The following TNFAIP8 variants were observed in gnomAD, a reference collection of about 807,000 sequenced individuals.
TNFAIP8 encodes the protein TNF alpha induced protein 8.
TNFAIP8 carries 7 observed loss-of-function variants against 13.3 expected under a neutral mutation model. That is an observed-to-expected ratio of 0.52 (90% confidence interval 0.30 to 0.99). The LOEUF (loss-of-function observed/expected upper bound fraction) is 0.99. Ranked by LOEUF, TNFAIP8 falls within the 50% of genes least tolerant of loss-of-function variation. The pLI is 0.07. For missense variants in TNFAIP8, 258 were observed against 236.9 expected (o/e 1.09, Z -0.58); for synonymous variants, 94 against 87.6 (o/e 1.07, Z -0.41).
At chr5:119,348,490 G>A (rs1750987660) in intron 1 of TNFAIP8, among the ~76,000 whole-genome samples, 1 of 152,250 alleles carries the variant, frequency 6.6e-6, no homozygotes, top group East Asian at 1.9e-4. Flanking sequence ...TTTTCAAGGA[G>A]GCTGTCTCTG....
rs11348290 is a variant in TNFAIP8, at chr5:119,392,392, A to AT, written c.32-413dup. 3.7e-4 allele frequency among the ~76,000 whole-genome samples: 55 copies of AT among 150,394 alleles called. 1 individual carries two copies. The highest frequency in any genetic ancestry group is 5.8e-4 in the East Asian group (3 of 5,136). Reference sequence around the variant, plus strand: ...ATGACAGGTATAGAGTTGATTTTGTATTTTTTTTTTTGTTTTGAGACAGAG... The same window carrying AT: ...ATGACAGGTATAGAGTTGATTTTGTATTTTTTTTTTTTGTTTTGAGACAGAG... On this transcript the variant is annotated intron_variant, in intron 1 of 1. Transcript: ENST00000504771.
Position 119,397,298 on chromosome 5 carries a change from A to C in TNFAIP8, c.*3917A>C, listed in dbSNP as rs544783538. 44 of 152,314 alleles carry C rather than the reference A, an allele frequency of 2.9e-4. No homozygotes were observed. Among genetic ancestry groups the C allele is most frequent in the African/African-American group, 1.0e-3 (43 of 41,558 alleles). The allele number at this position is 152,314 out of a possible 1,614,324, so 9.4% of individuals were successfully genotyped here. ...CAATTTAGCATACAAAACCTGACAA[A>C]TGGTAAATAAAAGAATATGTTTATC... On this transcript the variant is annotated 3_prime_UTR_variant, in exon 2 of 2. Transcript: ENST00000504771.
At chr5:119,270,222 A>G (rs576887999) in intron 1 of TNFAIP8, among the ~76,000 whole-genome samples, 1 of 152,350 alleles carries the variant, frequency 6.6e-6, no homozygotes, top group East Asian at 1.9e-4. Context: ...ATCGCAGCCG[A>G]TATTTTTATC....
chr5:119,379,406 T>C (rs1752402086), intron 1 of TNFAIP8, among the ~76,000 whole-genome samples: 1 of 152,072 alleles, frequency 6.6e-6, no homozygotes, highest in African/African-American at 2.4e-5. Context: ...TTAGGAGAGA[T>C]TTATTCTGGC....
chr5:119,387,591 CTAAG>C (rs1369852011), intron 1 of TNFAIP8, among the ~76,000 whole-genome samples: 2 of 152,102 alleles, frequency 1.3e-5, no homozygotes, highest in East Asian at 3.8e-4. Flanking sequence ...TTTCATAAAA[CTAAG>C]TATTAATAAC....
At chr5:119,281,338 A>G (rs929645721) in intron 1 of TNFAIP8, among the ~76,000 whole-genome samples, 1 of 46,230 alleles carries the variant, frequency 2.2e-5, no homozygotes, top group Non-Finnish European at 5.2e-5. Context: ...ATGCAAACAT[A>G]AATACTCATA....
intron 1 of TNFAIP8, among the ~76,000 whole-genome samples, chr5:119,280,290 CA>C (rs1748587711): frequency 1.3e-5 from 2 of 151,456 alleles, no homozygotes; most frequent in African/African-American, 4.9e-5. Context: ...TTTTATTACC[CA>C]AATGAGCAGC....
At chr5:119,324,185 A>T (rs1327346025) in intron 1 of TNFAIP8, among the ~76,000 whole-genome samples, 1 of 148,408 alleles carries the variant, frequency 6.7e-6, no homozygotes, top group Admixed American at 6.8e-5. Flanking sequence ...TGAGGCAGGA[A>T]AATCACCTGA....
chr5:119,319,690 A>G (rs747487865), intron 1 of TNFAIP8, among the ~76,000 whole-genome samples: 5 of 152,148 alleles, frequency 3.3e-5, no homozygotes, highest in Non-Finnish European at 7.4e-5. Flanking sequence ...GGTTATTTCT[A>G]TGTATATTGG....
At chr5:119,315,860 A>G (rs1421370945) in intron 1 of TNFAIP8, among the ~76,000 whole-genome samples, 2 of 152,130 alleles carry the variant, frequency 1.3e-5, no homozygotes, top group African/African-American at 4.8e-5. Flanking sequence ...GTCTTCACAC[A>G]CACAGATTTG....
intron 1 of TNFAIP8, among the ~76,000 whole-genome samples, chr5:119,322,485 C>G (rs912054593): frequency 1.8e-4 from 27 of 152,160 alleles, no homozygotes; most frequent in African/African-American, 6.5e-4. Context: ...TTACCAATAA[C>G]TCCAGAAATA....
intron 1 of TNFAIP8, among the ~76,000 whole-genome samples, chr5:119,299,627 G>T (rs1248934619): frequency 1.3e-5 from 2 of 152,162 alleles, no homozygotes; most frequent in African/African-American, 4.8e-5. Flanking sequence ...GAGAACCACT[G>T]CTCTCTTCAA....
intron 1 of TNFAIP8, chr5:119,333,114 T>C: frequency 4.6e-6 from 4 of 870,934 alleles, no homozygotes; most frequent in Non-Finnish European, 5.5e-6. Flanking sequence ...TTTTTTTTTT[T>C]TTCTAAGTAT....
chr5:119,283,728 T>A (rs1355593673), intron 1 of TNFAIP8, among the ~76,000 whole-genome samples: 5 of 152,198 alleles, frequency 3.3e-5, no homozygotes, highest in Non-Finnish European at 7.4e-5. Context: ...TGGCTGGGCC[T>A]GTGGGAGGCA....
intron 1 of TNFAIP8, among the ~76,000 whole-genome samples, chr5:119,322,713 G>T (rs570918538): frequency 6.6e-6 from 1 of 152,080 alleles, no homozygotes; most frequent in African/African-American, 2.4e-5. Context: ...ATATCAAAAC[G>T]TTGGTATTTC....
intron 1 of TNFAIP8, among the ~76,000 whole-genome samples, chr5:119,382,041 C>G (rs554869603): frequency 1.3e-5 from 2 of 152,270 alleles, no homozygotes; most frequent in African/African-American, 4.8e-5. Context: ...ACACATACAT[C>G]CTTGGGTTTC....
intron 1 of TNFAIP8, among the ~76,000 whole-genome samples, chr5:119,372,804 T>C (rs1752136102): frequency 1.3e-5 from 2 of 151,960 alleles, no homozygotes; most frequent in African/African-American, 2.4e-5. Context: ...TCCTAAAATA[T>C]ACACAAATTA....
chr5:119,375,248 A>G (rs1430774106), intron 1 of TNFAIP8, among the ~76,000 whole-genome samples: 3 of 151,880 alleles, frequency 2.0e-5, no homozygotes, highest in Non-Finnish European at 4.4e-5. Flanking sequence ...CCCTACGTTA[A>G]CCTCTAGGCC....
At chr5:119,272,979 T>C (rs947130613) in intron 1 of TNFAIP8, among the ~76,000 whole-genome samples, 1 of 152,246 alleles carries the variant, frequency 6.6e-6, no homozygotes, top group African/African-American at 2.4e-5. Context: ...TCTGGGTTCG[T>C]TTCTTTAATA....
Sources: gnomAD v4.1 joint callset for allele counts (sites outside exome capture counted in the v4.1 genomes callset) on GRCh38, gnomAD v4.1.1 for gene constraint, MANE v1.5 for transcripts, NCBI Gene and HGNC (gene_info 2026-07-23, HGNC 2026-07-21) for gene names.